ZMIZ1: variants seen among roughly 807,000 people sequenced by gnomAD.
ZMIZ1 encodes the protein zinc finger MIZ-type containing 1.
Under a neutral mutation model 113.9 loss-of-function variants are expected in ZMIZ1, and 17 were observed. That is an observed-to-expected ratio of 0.15 (90% CI 0.10 to 0.22). The LOEUF (loss-of-function observed/expected upper bound fraction) is 0.22, where lower values mean the gene tolerates loss of function less well. ZMIZ1 is among the 10% of genes least tolerant of loss of function. ZMIZ1 has a pLI of 1.00. For missense variants in ZMIZ1, 1,059 were observed against 1,477.8 expected, an observed-to-expected ratio of 0.72 and a Z score of 4.65; for synonymous variants, 607 against 603.1, an observed-to-expected ratio of 1.01 and a Z score of -0.09.
chr10:79,074,938 G>A (rs1842418488), intron 1 of ZMIZ1, among the ~76,000 whole-genome samples: 1 of 152,376 alleles, frequency 6.6e-6, no homozygotes, highest in African/African-American at 2.4e-5. Flanking sequence ...CGGAGTTACT[G>A]CAGGATTGTG....
intron 4 of ZMIZ1, among the ~76,000 whole-genome samples, chr10:79,198,877 T>G (rs889849449): frequency 2.6e-5 from 4 of 151,742 alleles, no homozygotes; most frequent in African/African-American, 9.7e-5. Context: ...CTATTAAAAA[T>G]ATAAAAATTA....
chr10:79,108,599 G>C (rs1480679542), intron 1 of ZMIZ1, among the ~76,000 whole-genome samples: 2 of 152,096 alleles, frequency 1.3e-5, no homozygotes, highest in African/African-American at 2.4e-5. Flanking sequence ...GGCCTGATTG[G>C]GGTAAGGGTG....
rs765461347 is a variant in ZMIZ1 at position 79,069,795 on chromosome 10, A to G, written c.-337+525A>G. Among the ~76,000 whole-genome samples the G allele has an allele frequency of 2.6e-5, 4 of 152,098 alleles. No individual in the cohort carries two copies. Among genetic ancestry groups the G allele is most frequent in the Non-Finnish European group, 4.4e-5 (3 of 68,004 alleles). ...CTTGTGCGTCTGAATTTCCAGGGAA[A>G]ACATACACTTTTGTAAATGGGAGGT... On this transcript the variant is annotated intron_variant, in intron 1 of 24. Transcript: ENST00000334512. The surrounding 1 kb of genome is among the most constrained non-coding windows in gnomAD (Gnocchi z 4.6).
In ZMIZ1 at chr10:79,103,168, G is replaced by A. The variant is rs577663787; in HGVS notation, c.-336-15747G>A. Among the ~76,000 whole-genome samples the A allele has an allele frequency of 5.8e-4, 88 of 152,218 alleles. 1 individual carries two copies. The South Asian group carries it at 0.015, about 26-fold the overall frequency. On this transcript the variant is annotated intron_variant, in intron 1 of 24. Coordinates refer to ENST00000334512, the MANE Select transcript of ZMIZ1 (RefSeq NM_020338.4). ...ACTGTAGGTGGAGGAGGTGGTGAGC[G>A]GGAACAGCAGGTGCAAAGGCCCAGG... is the stretch of plus-strand genomic sequence containing the variant.
At chr10:79,224,464 C>G (rs1849121687) in intron 7 of ZMIZ1, among the ~76,000 whole-genome samples, 2 of 152,222 alleles carry the variant, frequency 1.3e-5, no homozygotes, top group Middle Eastern at 3.4e-3. Flanking sequence ...GACCTCTCAT[C>G]TGGGGGATTA....
At chr10:79,130,406 C>T (rs1479682752) in intron 2 of ZMIZ1, among the ~76,000 whole-genome samples, 1 of 152,218 alleles carries the variant, frequency 6.6e-6, no homozygotes, top group African/African-American at 2.4e-5. Context: ...GTCAACACTC[C>T]AACCCTACCC....
rs74141677 is a variant in ZMIZ1 at position 79,098,319 on chromosome 10, A to G, written c.-336-20596A>G. On this transcript the variant is annotated intron_variant, in intron 1 of 24. Transcript: ENST00000334512. ...TGGAGAGAAGGCAGAAGCTGCCTGG[A>G]GGCAGTGTAGTGTGGTGGTTAGCAC... Among the ~76,000 whole-genome samples, 1,094 of 152,266 alleles carry G rather than the reference A, an allele frequency of 7.2e-3. 13 individuals are homozygous for G. Among genetic ancestry groups the G allele is most frequent in the African/African-American group, 0.026 (1,061 of 41,538 alleles).
intron 7 of ZMIZ1, among the ~76,000 whole-genome samples, chr10:79,234,144 G>T (rs1478195580): frequency 6.6e-6 from 1 of 152,198 alleles, no homozygotes; most frequent in Admixed American, 6.5e-5. Flanking sequence ...GACATGGTCA[G>T]ATTTGCCTCA....
chr10:79,282,225 T>C (rs1852782962), intron 8 of ZMIZ1, among the ~76,000 whole-genome samples: 1 of 152,224 alleles, frequency 6.6e-6, no homozygotes, highest in Non-Finnish European at 1.5e-5. Flanking sequence ...CTTTCACAAT[T>C]AGCAAACTGT....
intron 7 of ZMIZ1, among the ~76,000 whole-genome samples, chr10:79,253,644 G>A (rs939568965): frequency 1.3e-4 from 20 of 152,300 alleles, no homozygotes; most frequent in African/African-American, 4.1e-4. Context: ...TTCCAAGTCC[G>A]AGGCTTCAGT....
chr10:79,239,589 C>G (rs1849726754), intron 7 of ZMIZ1, among the ~76,000 whole-genome samples: 1 of 152,186 alleles, frequency 6.6e-6, no homozygotes. Flanking sequence ...CCCAGCAGAG[C>G]CGTCCCTGGC....
In ZMIZ1 at chr10:79,296,594, A is replaced by G; in HGVS notation, c.1354A>G (p.Ser452Gly). The G allele has an allele frequency of 6.3e-7, 1 of 1,585,362 alleles. No homozygotes were observed. The highest frequency in any genetic ancestry group is 1.1e-5 in the South Asian group (1 of 90,348). ...CAACTACCCAGGACAGAGGATGCCC[A>G]GCCAGCCGAGCTCCGGGCAGTACCC... is the stretch of plus-strand genomic sequence containing the variant. ...SPNYPGQRMPSQPSSGQYPPP... is the reference protein window; with the variant it reads ...SPNYPGQRMPGQPSSGQYPPP... The change falls in exon 13 of 25, where the codon AGC becomes GGC. Residue 452 changes from serine (S) to glycine (G), a missense_variant. Physicochemically the swap from Ser to Gly is moderately conservative, Grantham distance 56 (BLOSUM62 0). Transcript: ENST00000334512. The surrounding 1 kb of genome is among the most constrained non-coding windows in gnomAD (Gnocchi z 4.1).
rs187574064 is a variant in ZMIZ1 at position 79,218,894 on chromosome 10, A to G, written c.280+2620A>G. ...GCCCAGAGGCAGGGGGTACATGGCAAAGGCGAGGCTGGAGAGGTCAGCAGC... is the reference window on the plus strand; with the variant it reads ...GCCCAGAGGCAGGGGGTACATGGCAGAGGCGAGGCTGGAGAGGTCAGCAGC... On this transcript the variant is annotated intron_variant, in intron 7 of 24. Coordinates refer to ENST00000334512, the MANE Select transcript of ZMIZ1 (RefSeq NM_020338.4). Among the ~76,000 whole-genome samples the G allele has an allele frequency of 7.8e-4, 119 of 152,218 alleles. 4 individuals are homozygous for G. Among genetic ancestry groups the G allele is most frequent in the African/African-American group, 2.5e-3 (105 of 41,528 alleles).
intron 7 of ZMIZ1, among the ~76,000 whole-genome samples, chr10:79,229,342 A>G (rs906842619): frequency 1.3e-5 from 2 of 152,218 alleles, no homozygotes; most frequent in Non-Finnish European, 2.9e-5. Flanking sequence ...AGAGACACAG[A>G]ACCCAGAGCT....
At chr10:79,178,500 C>G (rs1846968202) in intron 4 of ZMIZ1, among the ~76,000 whole-genome samples, 1 of 152,196 alleles carries the variant, frequency 6.6e-6, no homozygotes, top group East Asian at 1.9e-4. Flanking sequence ...AGCTGGAGCC[C>G]AGCTGGGCGG....
intron 7 of ZMIZ1, among the ~76,000 whole-genome samples, chr10:79,257,477 CAG>C (rs1333042996): frequency 2.6e-5 from 4 of 152,252 alleles, no homozygotes; most frequent in Admixed American, 6.5e-5. Flanking sequence ...TACCCTGAGT[CAG>C]GGGAACATCG....
chr10:79,193,366 G>C (rs703971), intron 4 of ZMIZ1, among the ~76,000 whole-genome samples: 112,381 of 152,188 alleles, frequency 0.74, 42,683 homozygotes, highest in African/African-American at 0.9. Flanking sequence ...TAAAGTCATC[G>C]TTATCCCACC....
At chr10:79,165,976 G>GTA (rs1846320774) in intron 4 of ZMIZ1, among the ~76,000 whole-genome samples, 1 of 150,460 alleles carries the variant, frequency 6.6e-6, no homozygotes, top group African/African-American at 2.5e-5. Context: ...GTGTGTGTGT[G>GTA]TGTGTGTGTG....
At chr10:79,208,541 A>G in intron 6 of ZMIZ1, 92 bp downstream of exon 6, 2 of 1,078,254 alleles carry the variant, frequency 1.9e-6, no homozygotes, top group South Asian at 1.5e-5. Context: ...GTTGTCAGAC[A>G]TTGGGAGGTG....
Sources: allele counts gnomAD v4.1 joint callset (sites outside exome capture counted in the v4.1 genomes callset), GRCh38; gene constraint gnomAD v4.1.1; non-coding constraint Gnocchi (gnomAD v3.1); transcripts MANE v1.5; gene names NCBI Gene and HGNC (gene_info 2026-07-23, HGNC 2026-07-21).